The following SPATA22 variants were observed in gnomAD, a reference collection of about 807,000 sequenced individuals.
SPATA22 encodes spermatogenesis associated 22, also known as spermatogenesis-associated protein 22.
A neutral mutation model predicts 47.8 loss-of-function variants in SPATA22; 29 were observed. The observed-to-expected ratio is 0.61, with a 90% CI of 0.45 to 0.83. The LOEUF is 0.83. Ranked by LOEUF, SPATA22 falls within the 40% of genes least tolerant of loss-of-function variation. The pLI is 0.00. For synonymous variants in SPATA22, 133 were observed against 140.9 expected (o/e 0.94, Z 0.40); for missense variants, 410 against 421.7 (o/e 0.97, Z 0.24).
intron 7 of SPATA22, among the ~76,000 whole-genome samples, chr17:3,444,447 GA>G (rs570287366): frequency 1.3e-5 from 2 of 152,028 alleles, no homozygotes; most frequent in Non-Finnish European, 2.9e-5. Flanking sequence ...GCAATCAGAA[GA>G]AAAATCTAAG....
At chr17:3,469,603 C>A (rs987802350) in intron 1 of SPATA22, among the ~76,000 whole-genome samples, 4 of 152,184 alleles carry the variant, frequency 2.6e-5, no homozygotes, top group African/African-American at 9.7e-5. Context: ...GCAACTGTAA[C>A]CTTGCTTCGT....
chr17:3,469,283 C>T lies in SPATA22; in HGVS notation c.43G>A (p.Gly15Ser), dbSNP rs748499500. ...LNENSARSTA[G>S]CLPVPLFNQK... ...TTAAAAATAAAAAGTTGTTCAATAC[C>T]TGCTGTACTTCGAGCTGAATTTTCA... The change falls in exon 2 of 9, where the codon GGC becomes AGC. Residue 15 changes from glycine to serine, a missense_variant and splice_region_variant. Transcript: ENST00000572969. 28 of 1,483,460 alleles carry T rather than the reference C, an allele frequency of 1.9e-5. No homozygotes were observed. The highest frequency in any genetic ancestry group is 1.7e-4 in the Middle Eastern group (1 of 5,828). 91.9% of individuals were successfully genotyped at this position (1,483,460 alleles called of 1,614,324 possible).
intron 1 of SPATA22, chr17:3,511,846 G>T (rs1376400561): frequency 6.6e-6 from 1 of 152,162 alleles, no homozygotes. Flanking sequence ...TAATGGATAT[G>T]ACTTTCTCCA....
intron 1 of SPATA22, among the ~76,000 whole-genome samples, chr17:3,470,457 C>G (rs1207482707): frequency 6.6e-6 from 1 of 152,118 alleles, no homozygotes; most frequent in African/African-American, 2.4e-5. Flanking sequence ...AAAAATAAAA[C>G]TTGGGAAACA....
At position 3,448,996 on chromosome 17, in the gene SPATA22, A is replaced by G; in HGVS notation, c.483T>C (p.Pro161=). 1.2e-6 allele frequency: 2 copies of G among 1,614,002 alleles called. No homozygotes were observed. The highest frequency in any genetic ancestry group is 1.7e-6 in the Non-Finnish European group (2 of 1,179,954). ...TGTTGCGAGATAAGTTAGGAGGTTC[A>G]GGTATTCTTAATTGTTTTTGTTGTT... The part of the protein sequence containing the change: ...GAQQQKQLRI[P]EPPNLSRNKE... Residue 161 remains proline (P), a synonymous_variant, in exon 6 of 9, where the codon CCT becomes CCC. Coordinates refer to ENST00000572969, the MANE Select transcript of SPATA22 (RefSeq NM_001170698.2).
intron 1 of SPATA22, chr17:3,499,231 T>G: frequency 1.5e-6 from 1 of 665,974 alleles, no homozygotes; most frequent in Non-Finnish European, 2.4e-6. Flanking sequence ...TAAGCACATT[T>G]CTTAAATTAA....
intron 5 of SPATA22, among the ~76,000 whole-genome samples, chr17:3,454,826 G>T (rs916870958): frequency 6.6e-6 from 1 of 152,172 alleles, no homozygotes; most frequent in Non-Finnish European, 1.5e-5. Flanking sequence ...GTAATGGGAT[G>T]GCTGGGTCAA....
At chr17:3,474,327 T>G (rs1267247003), upstream of SPATA22, among the ~76,000 whole-genome samples, 6 of 152,240 alleles carry the variant, frequency 3.9e-5, no homozygotes, top group Admixed American at 2.6e-4. Flanking sequence ...TGCAAGTCAT[T>G]TGTGCCAGCT....
At chr17:3,513,780 C>A (rs2074144110) in exon 1 of SPATA22, 1 of 683,592 alleles carries the variant, frequency 1.5e-6, no homozygotes, top group Non-Finnish European at 2.5e-6. Flanking sequence ...CCACTGAGCA[C>A]TGAGCACGAG....
chr17:3,482,802 T>C (rs1036577544), intron 1 of SPATA22, among the ~76,000 whole-genome samples: 1 of 146,500 alleles, frequency 6.8e-6, no homozygotes, highest in African/African-American at 2.4e-5. Flanking sequence ...ATTTTATTAC[T>C]ATTATACTTT....
At chr17:3,450,720 T>C (rs1047352539) in intron 5 of SPATA22, among the ~76,000 whole-genome samples, 1 of 151,768 alleles carries the variant, frequency 6.6e-6, no homozygotes, top group Non-Finnish European at 1.5e-5. Flanking sequence ...TTATTATTCA[T>C]AGTCTAGAAA....
At chr17:3,464,746 A>G (rs1455325256) in intron 3 of SPATA22, among the ~76,000 whole-genome samples, 7 of 118,386 alleles carry the variant, frequency 5.9e-5, no homozygotes, top group Non-Finnish European at 6.9e-5. Flanking sequence ...CCGCCCGGCA[A>G]CCGCCCCGTC....
chr17:3,458,371 G>C (rs557818610), intron 5 of SPATA22, among the ~76,000 whole-genome samples: 2 of 152,014 alleles, frequency 1.3e-5, no homozygotes, highest in East Asian at 3.9e-4. Context: ...GTACACTCTT[G>C]GTGGAAATGT....
intron 1 of SPATA22, among the ~76,000 whole-genome samples, chr17:3,484,243 C>A (rs2073682344): frequency 1.3e-5 from 2 of 152,154 alleles, no homozygotes; most frequent in South Asian, 4.1e-4. Context: ...GAAATGTGTA[C>A]ATTTGACTAA....
At chr17:3,456,748 A>C (rs1452320231) in intron 5 of SPATA22, among the ~76,000 whole-genome samples, 1 of 151,908 alleles carries the variant, frequency 6.6e-6, no homozygotes, top group South Asian at 2.1e-4. Flanking sequence ...ACAACAAAAA[A>C]AGATAATTTT....
chr17:3,501,159 AAG>A (rs1390646443), intron 1 of SPATA22: 1 of 152,172 alleles, frequency 6.6e-6, no homozygotes, highest in East Asian at 1.9e-4. Context: ...GGGGAGAAAA[AAG>A]AAAAAAAAGA....
chr17:3,501,094 C>T (rs780260556), intron 1 of SPATA22: 4 of 151,854 alleles, frequency 2.6e-5, no homozygotes, highest in Non-Finnish European at 5.9e-5. Flanking sequence ...TGGATCAAGG[C>T]GTCATTGTGA....
At chr17:3,461,117 T>C (rs1487826230) in intron 5 of SPATA22, among the ~76,000 whole-genome samples, 1 of 152,216 alleles carries the variant, frequency 6.6e-6, no homozygotes. Context: ...GATGGCCAGT[T>C]AAATTTGCAT....
chr17:3,455,372 T>C (rs1371575407), intron 5 of SPATA22, among the ~76,000 whole-genome samples: 1 of 151,578 alleles, frequency 6.6e-6, no homozygotes, highest in African/African-American at 2.4e-5. Flanking sequence ...TCCTTGCCCA[T>C]GCCTATGTCC....
Sources: gnomAD v4.1 joint callset for allele counts (sites outside exome capture counted in the v4.1 genomes callset) on GRCh38, gnomAD v4.1.1 for gene constraint, MANE v1.5 for transcripts, NCBI Gene and HGNC (gene_info 2026-07-23, HGNC 2026-07-21) for gene names.